LRRC4C: variants seen among roughly 807,000 people sequenced by gnomAD.
The protein encoded by LRRC4C is leucine-rich repeat-containing protein 4C.
Under a neutral mutation model 33.6 loss-of-function variants are expected in LRRC4C, and 5 were observed. The ratio of observed to expected loss-of-function variants is 0.15; its 90% CI spans 0.08 to 0.31. The LOEUF (loss-of-function observed/expected upper bound fraction) is 0.31. Ranked by LOEUF, LRRC4C falls within the 10% of genes least tolerant of loss-of-function variation. The pLI is 1.00. For synonymous variants in LRRC4C, 329 were observed against 302.0 expected (o/e 1.09, Z -0.93); for missense variants, 560 against 796.7 (o/e 0.70, Z 3.58).
chr11:40,931,269 T>C (rs538237693), intron 2 of LRRC4C, among the ~76,000 whole-genome samples: 21 of 152,294 alleles, frequency 1.4e-4, no homozygotes, highest in African/African-American at 5.1e-4. Flanking sequence ...AAACAGCTGC[T>C]TAGGGTTTTC....
chr11:40,988,666 T>TCA (rs1853249528), intron 1 of LRRC4C, among the ~76,000 whole-genome samples: 1 of 151,772 alleles, frequency 6.6e-6, no homozygotes, highest in Non-Finnish European at 1.5e-5. Context: ...TTCAAGTACC[T>TCA]GTTCCAGTGC....
rs56269292 is a variant in LRRC4C, at chr11:40,200,180, T to TAAAAAAAAAAAAAAAAAAAAA, written c.-96+41318_-96+41338dup. On this transcript the variant is annotated intron_variant, in intron 5 of 6. Transcript: ENST00000528697. ...CAAAATGGAGAAAGCCTGTCTCCAC[T>TAAAAAAAAAAAAAAAAAAAAA]AAAAAAAAAAAAAAAAAAAAAAAAA... Among the ~76,000 whole-genome samples, 4 of 26,046 alleles carry TAAAAAAAAAAAAAAAAAAAAA rather than the reference T, an allele frequency of 1.5e-4. 1 individual carries two copies. The highest frequency in any genetic ancestry group is 2.1e-4 in the Non-Finnish European group (3 of 14,222). The allele number at this position is 26,046 out of a possible 152,430, so 17.1% of individuals were successfully genotyped here. A position where few individuals can be genotyped will look rare whatever the true frequency, so the allele number is the denominator to read the frequency against.
At position 41,022,743 on chromosome 11, in the gene LRRC4C, GAA is replaced by G. The variant is rs749494694; in HGVS notation, c.-495-89022_-495-89021del. 5.9e-5 allele frequency among the ~76,000 whole-genome samples: 9 copies of G among 152,076 alleles called. No homozygotes were observed. The East Asian group carries it at 1.7e-3, about 29-fold the overall frequency. On this transcript the variant is annotated intron_variant, in intron 1 of 6. Transcript: ENST00000528697. ...AAAAGAATACTTTAAGAAAGCAACT[GAA>G]GAGTTTTTTTACTTGTGATTTTAAA...
intron 2 of LRRC4C, among the ~76,000 whole-genome samples, chr11:40,777,690 T>C (rs1049894596): frequency 6.6e-6 from 1 of 151,600 alleles, no homozygotes; most frequent in Non-Finnish European, 1.5e-5. Context: ...TTTTTTATTT[T>C]TTTTATTTTT....
At chr11:40,191,493 C>T (rs1220064738) in intron 5 of LRRC4C, among the ~76,000 whole-genome samples, 4 of 152,022 alleles carry the variant, frequency 2.6e-5, no homozygotes, top group Non-Finnish European at 5.9e-5. Flanking sequence ...CTGTCATGTC[C>T]CAGCATTACT....
chr11:41,379,132 G>GA (rs1265392886), intron 1 of LRRC4C, among the ~76,000 whole-genome samples: 4 of 152,068 alleles, frequency 2.6e-5, no homozygotes, highest in Admixed American at 1.3e-4. Context: ...TACCAGAAGA[G>GA]AAAAAAGAAT....
chr11:40,603,336 C>T (rs1193773050), intron 3 of LRRC4C, among the ~76,000 whole-genome samples: 1 of 152,136 alleles, frequency 6.6e-6, no homozygotes, highest in Non-Finnish European at 1.5e-5. Flanking sequence ...AAGAAAAGAA[C>T]CACTTACTGC....
intron 3 of LRRC4C, among the ~76,000 whole-genome samples, chr11:40,337,762 A>C (rs1305831825): frequency 6.6e-6 from 1 of 152,042 alleles, no homozygotes; most frequent in African/African-American, 2.4e-5. Context: ...TGTCGTACAG[A>C]TTATTTCATC....
At chr11:40,585,355 T>G (rs140754645) in intron 3 of LRRC4C, among the ~76,000 whole-genome samples, 4 of 152,206 alleles carry the variant, frequency 2.6e-5, no homozygotes, top group African/African-American at 9.6e-5. Flanking sequence ...CAAGGAAGAC[T>G]AAACATCCAG....
intron 4 of LRRC4C, among the ~76,000 whole-genome samples, chr11:40,285,060 T>C (rs1379871738): frequency 6.6e-6 from 1 of 152,140 alleles, no homozygotes; most frequent in Non-Finnish European, 1.5e-5. Flanking sequence ...TAACCACCAT[T>C]TCTTGAGCAT....
Position 41,217,353 on chromosome 11 carries a change from C to T in LRRC4C, c.-496+242078G>A, listed in dbSNP as rs150583568. On this transcript the variant is annotated intron_variant, in intron 1 of 6. Coordinates refer to ENST00000528697, the MANE Select transcript of LRRC4C (RefSeq NM_001258419.2). Reference sequence around the variant, plus strand: ...CTCCACTATAATTTTTAAAGCAGGACTTCAATATACATATTATCTGAATAC... The same window carrying T: ...CTCCACTATAATTTTTAAAGCAGGATTTCAATATACATATTATCTGAATAC... Among the ~76,000 whole-genome samples the T allele has an allele frequency of 4.9e-3, 746 of 152,204 alleles. 7 individuals are homozygous for T. The highest frequency in any genetic ancestry group is 0.017 in the African/African-American group (700 of 41,532).
At chr11:40,154,753 A>T (rs1858537580) in intron 5 of LRRC4C, among the ~76,000 whole-genome samples, 1 of 152,224 alleles carries the variant, frequency 6.6e-6, no homozygotes. Flanking sequence ...ACACAATAAT[A>T]GTAGGAGACT....
chr11:40,892,152 A>AG, intron 2 of LRRC4C, among the ~76,000 whole-genome samples: 1 of 148,470 alleles, frequency 6.7e-6, no homozygotes, highest in African/African-American at 2.5e-5. Flanking sequence ...AAAAAAAAAA[A>AG]TAGAAAAAGA....
intron 3 of LRRC4C, among the ~76,000 whole-genome samples, chr11:40,560,030 C>T (rs1957486954): frequency 6.6e-6 from 1 of 152,184 alleles, no homozygotes; most frequent in South Asian, 2.1e-4. Context: ...AAGACTGAGT[C>T]ACATCCCCAG....
At chr11:40,777,564 C>T (rs1328548550) in intron 2 of LRRC4C, among the ~76,000 whole-genome samples, 3 of 149,838 alleles carry the variant, frequency 2.0e-5, no homozygotes, top group Non-Finnish European at 4.4e-5. Context: ...GTGGCCCTTC[C>T]TCTTTTTTGT....
chr11:40,407,024 T>C (rs1372555500), intron 3 of LRRC4C, among the ~76,000 whole-genome samples: 3 of 152,106 alleles, frequency 2.0e-5, no homozygotes, highest in Non-Finnish European at 4.4e-5. Flanking sequence ...AAAGGCATTT[T>C]TTTTGTCCTG....
intron 3 of LRRC4C, among the ~76,000 whole-genome samples, chr11:40,367,343 G>C (rs1196473949): frequency 3.3e-5 from 5 of 152,160 alleles, no homozygotes; most frequent in Middle Eastern, 3.4e-3. Context: ...TTCTCATCTT[G>C]TCTGAGGCAT....
At chr11:41,424,517 T>C (rs1173976304) in intron 1 of LRRC4C, among the ~76,000 whole-genome samples, 1 of 152,002 alleles carries the variant, frequency 6.6e-6, no homozygotes, top group Non-Finnish European at 1.5e-5. Flanking sequence ...AGGTAAAAAA[T>C]CAGCCAACTG....
chr11:40,754,991 C>T (rs949198763), intron 2 of LRRC4C, among the ~76,000 whole-genome samples: 1 of 152,072 alleles, frequency 6.6e-6, no homozygotes, highest in Admixed American at 6.6e-5. Flanking sequence ...AAATGTTGCA[C>T]ACAGTTTTCA....
Sources: gnomAD v4.1 joint callset for allele counts (sites outside exome capture counted in the v4.1 genomes callset) on GRCh38, gnomAD v4.1.1 for gene constraint, MANE v1.5 for transcripts, NCBI Gene and HGNC (gene_info 2026-07-23, HGNC 2026-07-21) for gene names.